The following CACNA1C variants were observed in gnomAD, a reference collection of about 807,000 sequenced individuals.
The protein encoded by CACNA1C is voltage-dependent L-type calcium channel subunit alpha-1C.
A neutral mutation model predicts 229.0 loss-of-function variants in CACNA1C; 30 were observed. That is an observed-to-expected ratio of 0.13 (90% confidence interval 0.10 to 0.18). CACNA1C has a LOEUF of 0.18. Ranked by LOEUF, CACNA1C falls within the 10% of genes least tolerant of loss-of-function variation. The probability of loss-of-function intolerance (pLI) is 1.00; values close to 1 mark genes in which losing one functional copy is unlikely to be tolerated. For synonymous variants in CACNA1C, 1,114 were observed against 1,132.5 expected (o/e 0.98, Z 0.33); for missense variants, 1,658 against 2,845.0 (o/e 0.58, Z 9.49).
At chr12:2,259,159 T>A (rs1171692744) in intron 3 of CACNA1C, among the ~76,000 whole-genome samples, 1 of 152,206 alleles carries the variant, frequency 6.6e-6, no homozygotes, top group Non-Finnish European at 1.5e-5. Context: ...AATATGGCCC[T>A]GAACCAGCTG....
chr12:2,090,565 G>T (rs1333845921), intron 1 of CACNA1C, among the ~76,000 whole-genome samples: 2 of 152,076 alleles, frequency 1.3e-5, no homozygotes, highest in African/African-American at 4.8e-5. Context: ...TGATCTGCTC[G>T]CCTTGGCCTC....
chr12:2,572,852 TTCCTCC>T lies in CACNA1C; in HGVS notation c.1895+5069_1895+5074del, dbSNP rs1400336698. ...CCTCCTCCTTCTCTTCCTCCTCCTCTTCCTCCTCCTCCTCCTTCTCTTCTTCTTCTC... is the reference window on the plus strand; with the variant it reads ...CCTCCTCCTTCTCTTCCTCCTCCTCTTCCTCCTCCTTCTCTTCTTCTTCTC... On this transcript the variant is annotated intron_variant, in intron 13 of 46. Coordinates refer to ENST00000399655, the MANE Select transcript of CACNA1C (RefSeq NM_000719.7). 4.1e-5 allele frequency among the ~76,000 whole-genome samples: 4 copies of T among 96,432 alleles called. No individual in the cohort carries two copies. The East Asian group carries it at 1.1e-3, about 27-fold the overall frequency. 63.3% of individuals were successfully genotyped at this position (96,432 alleles called of 152,430 possible). A position where few individuals can be genotyped will look rare whatever the true frequency, so the allele number is the denominator to read the frequency against.
chr12:2,343,350 T>A (rs4765923), intron 3 of CACNA1C, among the ~76,000 whole-genome samples: 6,393 of 152,302 alleles, frequency 0.042, 343 homozygotes, highest in African/African-American at 0.12. Context: ...TTCTTCTCTC[T>A]GTCTGAAGTG....
intron 3 of CACNA1C, among the ~76,000 whole-genome samples, chr12:2,165,314 T>C (rs528194905): frequency 1.3e-5 from 2 of 152,378 alleles, no homozygotes; most frequent in East Asian, 3.9e-4. Flanking sequence ...TGAGGTGATT[T>C]GCTAAGGAGA....
At chr12:2,186,403 C>T (rs559693367) in intron 3 of CACNA1C, among the ~76,000 whole-genome samples, 19 of 152,260 alleles carry the variant, frequency 1.2e-4, no homozygotes, top group African/African-American at 4.6e-4. Flanking sequence ...TGTCCTGAAG[C>T]GGCTGCGGGC....
chr12:2,261,026 C>T lies in CACNA1C; in HGVS notation c.477+140596C>T, dbSNP rs181871415. Among the ~76,000 whole-genome samples the T allele has an allele frequency of 8.7e-3, 1,329 of 152,140 alleles. 17 individuals carry two copies. The highest frequency in any genetic ancestry group is 0.031 in the African/African-American group (1,272 of 41,510). On this transcript the variant is annotated intron_variant, in intron 3 of 46. Coordinates refer to ENST00000399655, the MANE Select transcript of CACNA1C (RefSeq NM_000719.7). ...CTGGCAGATCACAAGGTCAGGAGAT[C>T]GAGACCATCCTGGCTAACATGGTAA...
chr12:2,018,708 G>A (rs889927700), intron 1 of CACNA1C, among the ~76,000 whole-genome samples: 7 of 152,208 alleles, frequency 4.6e-5, no homozygotes, highest in Non-Finnish European at 1.0e-4. Flanking sequence ...AGAAAACTCA[G>A]TTCAGTTGGC....
At chr12:2,260,884 G>T (rs1475144658) in intron 3 of CACNA1C, among the ~76,000 whole-genome samples, 1 of 152,024 alleles carries the variant, frequency 6.6e-6, no homozygotes, top group Non-Finnish European at 1.5e-5. Flanking sequence ...TTTTATTTGT[G>T]TAAATTATAG....
chr12:2,124,088 T>C (rs1391592699), intron 3 of CACNA1C, among the ~76,000 whole-genome samples: 1 of 148,980 alleles, frequency 6.7e-6, no homozygotes, highest in Non-Finnish European at 1.5e-5. Context: ...CCCTCTGGTC[T>C]CTCCTTCCAC....
At chr12:2,517,784 G>A (rs990123644) in intron 9 of CACNA1C, among the ~76,000 whole-genome samples, 6 of 152,276 alleles carry the variant, frequency 3.9e-5, no homozygotes, top group South Asian at 4.1e-4. Context: ...CAGCTCCGAC[G>A]TTAAATCTAA....
At chr12:2,385,854 A>G (rs1184065526) in intron 3 of CACNA1C, among the ~76,000 whole-genome samples, 1 of 152,186 alleles carries the variant, frequency 6.6e-6, no homozygotes, top group Non-Finnish European at 1.5e-5. Context: ...GACTCCATAG[A>G]GTGGGCCTGG....
At chr12:2,568,158 C>G (rs1307504454) in intron 13 of CACNA1C, among the ~76,000 whole-genome samples, 1 of 152,132 alleles carries the variant, frequency 6.6e-6, no homozygotes, top group Non-Finnish European at 1.5e-5. Flanking sequence ...CATAAGATGA[C>G]TTCTGGAGAC....
At chr12:2,308,968 G>A (rs2154481231) in intron 3 of CACNA1C, among the ~76,000 whole-genome samples, 1 of 152,262 alleles carries the variant, frequency 6.6e-6, no homozygotes, top group African/African-American at 2.4e-5. Context: ...ACTAACCATA[G>A]GATCCAGAAA....
upstream of CACNA1C, among the ~76,000 whole-genome samples, chr12:2,052,686 C>G (rs913690250): frequency 1.4e-5 from 2 of 145,160 alleles, no homozygotes; most frequent in Non-Finnish European, 3.1e-5. Context: ...GCTCCTCACG[C>G]CGCCCCTCGC....
chr12:2,177,628 C>CCTTCCT (rs1454403229), intron 3 of CACNA1C, among the ~76,000 whole-genome samples: 4 of 106,376 alleles, frequency 3.8e-5, no homozygotes, highest in African/African-American at 1.5e-4. Context: ...TTCCTTCCTT[C>CCTTCCT]TCTCTCTCTT....
intron 3 of CACNA1C, among the ~76,000 whole-genome samples, chr12:2,150,526 C>T (rs183211450): frequency 6.6e-6 from 1 of 152,286 alleles, no homozygotes; most frequent in East Asian, 1.9e-4. Flanking sequence ...AAACAGGGCT[C>T]CCAGGCTACA....
Position 2,595,747 on chromosome 12 carries a change from C to T in CACNA1C, c.2664-127C>T. 1 of 801,564 alleles carries T rather than the reference C, an allele frequency of 1.2e-6. No homozygotes were observed. Among genetic ancestry groups the T allele is most frequent in the South Asian group, 1.9e-5 (1 of 53,220 alleles). 49.7% of individuals were successfully genotyped at this position (801,564 alleles called of 1,614,324 possible). On this transcript the variant is annotated intron_variant, in intron 19 of 46. Transcript: ENST00000399655. The surrounding 1 kb of genome is among the most constrained non-coding windows in gnomAD (Gnocchi z 4.1). Reference sequence around the variant, plus strand: ...GTAAGACTTCAGAATGAAGAGGTCACTTCAGGCCAACAAGCACCTGTTGCC... The same window carrying T: ...GTAAGACTTCAGAATGAAGAGGTCATTTCAGGCCAACAAGCACCTGTTGCC...
chr12:2,110,260 G>A (rs1341073761), intron 1 of CACNA1C, among the ~76,000 whole-genome samples: 1 of 152,234 alleles, frequency 6.6e-6, no homozygotes, highest in African/African-American at 2.4e-5. Context: ...CTGGGTGCAG[G>A]AGGAGGACGC....
chr12:2,688,388 G>A, intron 45 of CACNA1C, 59 bp from the exon 46 acceptor site: 1 of 1,520,822 alleles, frequency 6.6e-7, no homozygotes, highest in East Asian at 2.2e-5. Flanking sequence ...CAGAAGCAGG[G>A]GCCTGCCTTG....
Sources: gnomAD v4.1 joint callset for allele counts (sites outside exome capture counted in the v4.1 genomes callset) on GRCh38, gnomAD v4.1.1 for gene constraint, Gnocchi (gnomAD v3.1) non-coding constraint, MANE v1.5 for transcripts, NCBI Gene and HGNC (gene_info 2026-07-23, HGNC 2026-07-21) for gene names.